ASIC2: variants seen among roughly 807,000 people sequenced by gnomAD.
ASIC2 encodes acid sensing ion channel subunit 2.
ASIC2 carries 25 observed loss-of-function variants against 57.3 expected under a neutral mutation model. That is an observed-to-expected ratio of 0.44 (90% confidence interval 0.32 to 0.61). ASIC2 has a LOEUF of 0.61. ASIC2 is among the 20% of genes least tolerant of loss of function. The probability of loss-of-function intolerance (pLI) is 0.06; values close to 1 mark genes in which losing one functional copy is unlikely to be tolerated. For synonymous variants in ASIC2, 319 were observed against 307.5 expected, an observed-to-expected ratio of 1.04 and a Z score of -0.39; for missense variants, 641 against 738.1, an observed-to-expected ratio of 0.87 and a Z score of 1.52.
chr17:33,347,643 C>A (rs945170755), intron 1 of ASIC2, among the ~76,000 whole-genome samples: 2 of 152,106 alleles, frequency 1.3e-5, no homozygotes, highest in East Asian at 1.9e-4. Context: ...CGGATGAGGT[C>A]TCAGAATTGC....
intron 1 of ASIC2, among the ~76,000 whole-genome samples, chr17:33,772,478 G>C (rs551134048): frequency 1.3e-5 from 2 of 152,176 alleles, no homozygotes; most frequent in African/African-American, 4.8e-5. Context: ...AAATTTGTAT[G>C]TCTTTTCTCC....
intron 1 of ASIC2, among the ~76,000 whole-genome samples, chr17:34,097,457 C>T (rs1910588313): frequency 6.6e-6 from 1 of 152,028 alleles, no homozygotes; most frequent in Non-Finnish European, 1.5e-5. Context: ...AAATCACAAA[C>T]CTCAGAATGA....
intron 1 of ASIC2, among the ~76,000 whole-genome samples, chr17:34,054,004 G>A (rs1908666672): frequency 6.6e-6 from 1 of 152,238 alleles, no homozygotes; most frequent in Admixed American, 6.5e-5. Flanking sequence ...GAAAACGAGA[G>A]CAAAGGACTC....
At chr17:33,335,109 T>C (rs1038392536) in intron 1 of ASIC2, among the ~76,000 whole-genome samples, 1 of 152,150 alleles carries the variant, frequency 6.6e-6, no homozygotes, top group Non-Finnish European at 1.5e-5. Flanking sequence ...TTACATTAAA[T>C]TGTGAGAATG....
intron 1 of ASIC2, among the ~76,000 whole-genome samples, chr17:33,206,097 G>A (rs73279766): frequency 0.024 from 3,725 of 152,264 alleles, 148 homozygotes; most frequent in African/African-American, 0.085. Flanking sequence ...ATGGCCACAG[G>A]AGGCCACCTG....
chr17:33,728,022 G>A lies in ASIC2; in HGVS notation c.555+427956C>T, dbSNP rs1013207399. Among the ~76,000 whole-genome samples the A allele has an allele frequency of 2.6e-5, 4 of 152,298 alleles. No individual in the cohort carries two copies. The South Asian group carries it at 8.3e-4, about 32-fold the overall frequency. On this transcript the variant is annotated intron_variant, in intron 1 of 9. Transcript: ENST00000359872. ...AGGGAGATGGTGGGTACAACTAAAT[G>A]CAGCAGGAGATGTGCTGTGGTAGAG...
rs994519808 is a variant in ASIC2 at position 33,969,621 on chromosome 17, C to T, written c.555+186357G>A. The stretch of plus-strand genomic sequence containing the variant: ...GCTCCGTCCCACTGGGGTCTCTGGG[C>T]GACAATGTGAACATGCTGCAGAGTT... On this transcript the variant is annotated intron_variant, in intron 1 of 9. Transcript: ENST00000359872. Among the ~76,000 whole-genome samples, 5 of 152,244 alleles carry T rather than the reference C, an allele frequency of 3.3e-5. No homozygotes were observed. The South Asian group carries it at 6.2e-4, about 19-fold the overall frequency.
chr17:33,469,772 T>G (rs910711432), intron 1 of ASIC2, among the ~76,000 whole-genome samples: 1 of 152,166 alleles, frequency 6.6e-6, no homozygotes, highest in Non-Finnish European at 1.5e-5. Flanking sequence ...AAGCCCATAC[T>G]TCACTCTTGA....
At chr17:33,613,099 A>C (rs1238605106) in intron 1 of ASIC2, among the ~76,000 whole-genome samples, 1 of 152,206 alleles carries the variant, frequency 6.6e-6, no homozygotes, top group Non-Finnish European at 1.5e-5. Flanking sequence ...TTTTAAAACA[A>C]AATGACAGTC....
intron 2 of ASIC2, among the ~76,000 whole-genome samples, chr17:33,090,225 G>T (rs1457428974): frequency 2.0e-5 from 3 of 152,164 alleles, no homozygotes; most frequent in Non-Finnish European, 4.4e-5. Context: ...TGAAGATTCA[G>T]CTCTCCATCC....
At chr17:34,093,626 T>C (rs1910414688) in intron 1 of ASIC2, among the ~76,000 whole-genome samples, 1 of 152,248 alleles carries the variant, frequency 6.6e-6, no homozygotes, top group Non-Finnish European at 1.5e-5. Flanking sequence ...CATGAATTAA[T>C]GCTCTATGGA....
intron 1 of ASIC2, among the ~76,000 whole-genome samples, chr17:34,077,509 C>G (rs1193096653): frequency 6.6e-6 from 1 of 152,200 alleles, no homozygotes; most frequent in Non-Finnish European, 1.5e-5. Context: ...AACCTGCACT[C>G]CTCCGGTGCT....
chr17:33,236,003 A>C (rs2142113676), intron 1 of ASIC2, among the ~76,000 whole-genome samples: 1 of 152,054 alleles, frequency 6.6e-6, no homozygotes, highest in South Asian at 2.1e-4. Flanking sequence ...CACCCAGCTA[A>C]TCTTTTTATT....
intron 1 of ASIC2, among the ~76,000 whole-genome samples, chr17:33,278,815 G>A (rs1904820863): frequency 6.6e-6 from 1 of 152,084 alleles, no homozygotes; most frequent in Non-Finnish European, 1.5e-5. Flanking sequence ...TATTCAGACA[G>A]GGAACTTGTC....
At chr17:33,877,643 A>G (rs446351) in intron 1 of ASIC2, among the ~76,000 whole-genome samples, 41,531 of 152,152 alleles carry the variant, frequency 0.27, 5,886 homozygotes, top group Middle Eastern at 0.36. Flanking sequence ...ACTGCAGCTC[A>G]AGGAGGCCTG....
intron 1 of ASIC2, among the ~76,000 whole-genome samples, chr17:33,606,322 T>C (rs1164921110): frequency 6.6e-6 from 1 of 152,166 alleles, no homozygotes; most frequent in Admixed American, 6.5e-5. Flanking sequence ...ATCTGGTGAG[T>C]TGGCGCCATC....
intron 1 of ASIC2, among the ~76,000 whole-genome samples, chr17:33,196,015 G>C (rs556920313): frequency 1.3e-5 from 2 of 152,350 alleles, no homozygotes; most frequent in African/African-American, 4.8e-5. Context: ...AGGTAAGATT[G>C]TGCTGTGTGC....
At chr17:33,454,596 A>C (rs957585335) in intron 1 of ASIC2, among the ~76,000 whole-genome samples, 1 of 152,206 alleles carries the variant, frequency 6.6e-6, no homozygotes, top group Admixed American at 6.5e-5. Flanking sequence ...TTATTCTGTT[A>C]TTCTTTAAAA....
intron 1 of ASIC2, among the ~76,000 whole-genome samples, chr17:33,951,533 G>A (rs1904564281): frequency 6.6e-6 from 1 of 152,008 alleles, no homozygotes; most frequent in South Asian, 2.1e-4. Context: ...CACTGTGGGT[G>A]CCTATACGCT....
Sources: gnomAD v4.1 joint callset for allele counts (sites outside exome capture counted in the v4.1 genomes callset) on GRCh38, gnomAD v4.1.1 for gene constraint, MANE v1.5 for transcripts, NCBI Gene and HGNC (gene_info 2026-07-23, HGNC 2026-07-21) for gene names.